Variants in CIITA observed in about 807,000 individuals in gnomAD.
The protein encoded by CIITA is MHC class II transactivator.
A neutral mutation model predicts 115.1 loss-of-function variants in CIITA; 72 were observed. That is an observed-to-expected ratio of 0.63 (90% confidence interval 0.52 to 0.76). The LOEUF is 0.76. CIITA is among the 30% of genes least tolerant of loss of function. CIITA has a pLI of 0.00. For missense variants in CIITA, 1,617 were observed against 1,463.8 expected, an observed-to-expected ratio of 1.10 and a Z score of -1.71; for synonymous variants, 763 against 635.6, an observed-to-expected ratio of 1.20 and a Z score of -3.02.
Position 10,898,651 on chromosome 16 carries a change from CT to C in CIITA, c.296-15del. Reference sequence around the variant, plus strand: ...AGTTAGACCTTGTTGATTGACTGCGCTTTTCCTTGTCTGGGCAGCGGAACTG... The same window carrying C: ...AGTTAGACCTTGTTGATTGACTGCGCTTTCCTTGTCTGGGCAGCGGAACTG... On this transcript the variant is annotated intron_variant, in intron 3 of 19. Transcript: ENST00000324288. 1 of 1,602,274 alleles carries C rather than the reference CT, an allele frequency of 6.2e-7. No individual in the cohort carries two copies. Among genetic ancestry groups the C allele is most frequent in the Non-Finnish European group, 8.5e-7 (1 of 1,174,662 alleles).
In CIITA at chr16:10,908,109, T is replaced by C. The variant is rs368233530; in HGVS notation, c.2617T>C (p.Leu873=). 8.9e-5 allele frequency: 142 copies of C among 1,595,036 alleles called. No individual in the cohort carries two copies. The highest frequency in any genetic ancestry group is 3.3e-4 in the Middle Eastern group (2 of 6,038). The change falls in exon 11 of 20, where the codon TTG becomes CTG. Residue 873 remains leucine, a synonymous_variant. Transcript: ENST00000324288. The part of the protein sequence containing the change: ...LRSTGICPSG[L]GSLVGLSCVT... ...CAGCACTGGCATTTGCCCCTCTGGA[T>C]TGGGGAGCCTCGTGGGACTCAGCTG...
intron 1 of CIITA, among the ~76,000 whole-genome samples, chr16:10,894,810 C>A (rs1403852841): frequency 6.6e-6 from 1 of 152,208 alleles, no homozygotes; most frequent in Non-Finnish European, 1.5e-5. Context: ...TCCACTTGGA[C>A]ATGGGTTTCC....
In CIITA at chr16:10,926,910, G is replaced by C. The variant is rs1567456865; in HGVS notation, c.*3055G>C. 6.6e-6 allele frequency: 1 copy of C among 152,282 alleles called. No homozygotes were observed. The highest frequency in any genetic ancestry group is 1.5e-5 in the Non-Finnish European group (1 of 68,072). 9.4% of individuals were successfully genotyped at this position (152,282 alleles called of 1,614,324 possible). ...CGCTCAGAAAGTATTAGCTCAATAA[G>C]TGATGACTGTGTGCCAGACACTGTG... is the stretch of plus-strand genomic sequence containing the variant. On this transcript the variant is annotated 3_prime_UTR_variant, in exon 20 of 20. Transcript: ENST00000324288.
At position 10,907,335 on chromosome 16, in the gene CIITA, C is replaced by T. The variant is rs144630160; in HGVS notation, c.1843C>T (p.Arg615Trp). The stretch of plus-strand genomic sequence containing the variant: ...TCACAGCCACAGCCCTACTTTGTGC[C>T]GGGCAGTGTGCCAGCTCTCAGAGGC... ...LSHSHSPTLC[R>W]AVCQLSEALL... The change falls in exon 11 of 20, where the codon CGG becomes TGG. Residue 615 changes from arginine (R) to tryptophan (W), a missense_variant. Transcript: ENST00000324288. The surrounding 1 kb of genome is among the most constrained non-coding windows in gnomAD (Gnocchi z 5.0). 24 of 1,613,472 alleles carry T rather than the reference C, an allele frequency of 1.5e-5. No individual in the cohort carries two copies. The highest frequency in any genetic ancestry group is 6.7e-5 in the African/African-American group (5 of 74,926).
chr16:10,875,635 G>GT (rs887891624), upstream of CIITA, among the ~76,000 whole-genome samples: 5 of 151,824 alleles, frequency 3.3e-5, no homozygotes, highest in African/African-American at 1.2e-4. Context: ...TTATGACAGG[G>GT]TTTTTTTTAA....
chr16:10,915,661 A>G lies in CIITA; in HGVS notation c.2969+11A>G. The G allele has an allele frequency of 6.2e-7, 1 of 1,609,362 alleles. No homozygotes were observed. Among genetic ancestry groups the G allele is most frequent in the Non-Finnish European group, 8.5e-7 (1 of 1,176,048 alleles). On this transcript the variant is annotated intron_variant, in intron 14 of 19. Transcript: ENST00000324288. ...CCTGCAGCATCTGGAGTGAGTATAG[A>G]CTCTGGGACCCCTTCCTCTCAACAT...
At chr16:10,895,452 C>A (rs780339770) in intron 2 of CIITA, 24 bp downstream of exon 2, 1 of 1,611,898 alleles carries the variant, frequency 6.2e-7, no homozygotes, top group African/African-American at 1.3e-5. Context: ...CCTCTGGTCT[C>A]TTCCGGTATC....
At chr16:10,903,242 A>G (rs1236503521) in intron 8 of CIITA, among the ~76,000 whole-genome samples, 2 of 152,036 alleles carry the variant, frequency 1.3e-5, no homozygotes, top group Non-Finnish European at 1.5e-5. Context: ...TTGTTTCCTA[A>G]TCAGTAAAAT....
intron 1 of CIITA, among the ~76,000 whole-genome samples, chr16:10,868,476 C>G (rs564913623): frequency 6.6e-6 from 1 of 152,214 alleles, no homozygotes; most frequent in Non-Finnish European, 1.5e-5. Flanking sequence ...AATTCTCACC[C>G]AAGTGGTTTC....
At chr16:10,911,469 C>CTCTT (rs1204864805) in intron 13 of CIITA, among the ~76,000 whole-genome samples, 9 of 147,006 alleles carry the variant, frequency 6.1e-5, no homozygotes, top group African/African-American at 2.3e-4. Flanking sequence ...TCTCTCCTTT[C>CTCTT]TCTTTCTTTC....
chr16:10,880,169 G>A (rs577329947), intron 1 of CIITA, among the ~76,000 whole-genome samples: 1 of 152,328 alleles, frequency 6.6e-6, no homozygotes, highest in South Asian at 2.1e-4. Context: ...CAATCTCAGA[G>A]CGTTTGGAGG....
In CIITA at chr16:10,902,814, C is replaced by A; in HGVS notation, c.772+13C>A. ...TTCATCTACCATGGTGAGTGCGGGG[C>A]CTGGCTCCCCGACCACCTCTCCCTC... On this transcript the variant is annotated intron_variant, in intron 8 of 19. Coordinates refer to ENST00000324288, the MANE Select transcript of CIITA (RefSeq NM_000246.4). 1 of 1,614,012 alleles carries A rather than the reference C, an allele frequency of 6.2e-7. No individual in the cohort carries two copies. The highest frequency in any genetic ancestry group is 8.5e-7 in the Non-Finnish European group (1 of 1,180,008).
At position 10,893,885 on chromosome 16, in the gene CIITA, C is replaced by T. The variant is rs923292639; in HGVS notation, c.53-1397C>T. 3.4e-5 allele frequency among the ~76,000 whole-genome samples: 5 copies of T among 149,018 alleles called. No individual in the cohort carries two copies. The South Asian group carries it at 1.1e-3, about 32-fold the overall frequency. Reference sequence around the variant, plus strand: ...TACTCAGAGAGTTGTGTGACCATCTCCCATCCCCACAGTCAATTTTAGCAC... The same window carrying T: ...TACTCAGAGAGTTGTGTGACCATCTTCCATCCCCACAGTCAATTTTAGCAC... On this transcript the variant is annotated intron_variant, in intron 1 of 19. Coordinates refer to ENST00000324288, the MANE Select transcript of CIITA (RefSeq NM_000246.4).
intron 13 of CIITA, among the ~76,000 whole-genome samples, chr16:10,913,765 C>G (rs1045558175): frequency 1.8e-4 from 27 of 151,778 alleles, no homozygotes; most frequent in Non-Finnish European, 2.9e-4. Flanking sequence ...TAGTGAAACC[C>G]CATCTCTACT....
Position 10,924,299 on chromosome 16 carries a change from T to A in CIITA, c.*444T>A, listed in dbSNP as rs977093412. The A allele has an allele frequency of 3.3e-5, 5 of 152,358 alleles. No individual in the cohort carries two copies. The highest frequency in any genetic ancestry group is 1.2e-4 in the African/African-American group (5 of 41,454). The allele number at this position is 152,358 out of a possible 1,614,324, so 9.4% of individuals were successfully genotyped here. On this transcript the variant is annotated 3_prime_UTR_variant, in exon 20 of 20. Transcript: ENST00000324288. The stretch of plus-strand genomic sequence containing the variant: ...CCCAGGCTGGCGTGCAGTGGTGCGA[T>A]CTGGGTTCACTGCAACCTCCGCCTC...
chr16:10,874,134 C>G (rs1326978093), upstream of CIITA, among the ~76,000 whole-genome samples: 1 of 152,112 alleles, frequency 6.6e-6, no homozygotes, highest in South Asian at 2.1e-4. Context: ...CAGGCGTGCA[C>G]CACCACACCT....
At chr16:10,915,473 G>A in intron 13 of CIITA, 97 bp from the exon 14 acceptor site, 1 of 941,258 alleles carries the variant, frequency 1.1e-6, no homozygotes, top group Non-Finnish European at 1.7e-6. Flanking sequence ...GCCTCAGACA[G>A]GACCTGACTT....
chr16:10,889,964 A>T (rs1392813351), intron 1 of CIITA, among the ~76,000 whole-genome samples: 8 of 152,348 alleles, frequency 5.3e-5, no homozygotes, highest in Non-Finnish European at 1.0e-4. Context: ...TCAAATGGGC[A>T]TAACACTCTA....
intron 10 of CIITA, among the ~76,000 whole-genome samples, chr16:10,905,346 G>A (rs1183103560): frequency 6.6e-6 from 1 of 152,162 alleles, no homozygotes; most frequent in Non-Finnish European, 1.5e-5. Context: ...TGGTAGAACC[G>A]GGATTTGAAC....
Sources: gnomAD v4.1 joint callset for allele counts (sites outside exome capture counted in the v4.1 genomes callset) on GRCh38, gnomAD v4.1.1 for gene constraint, Gnocchi (gnomAD v3.1) non-coding constraint, MANE v1.5 for transcripts, NCBI Gene and HGNC (gene_info 2026-07-23, HGNC 2026-07-21) for gene names.